The following TRPM8 variants were observed in gnomAD, a reference collection of about 807,000 sequenced individuals.
TRPM8 encodes the protein TRPM8 cationic channel.
Under a neutral mutation model 133.7 loss-of-function variants are expected in TRPM8, and 110 were observed. That is an observed-to-expected ratio of 0.82 (90% CI 0.70 to 0.96). TRPM8 has a LOEUF of 0.96. Among genes scored for constraint, TRPM8 ranks in the 40% least tolerant of loss-of-function variants. The probability of loss-of-function intolerance (pLI) is 0.00; values close to 1 mark genes in which losing one functional copy is unlikely to be tolerated. For synonymous variants in TRPM8, 535 were observed against 532.3 expected (o/e 1.01, Z -0.07); for missense variants, 1,291 against 1,379.5 (o/e 0.94, Z 1.02).
chr2:233,958,235 G>T (rs1464497271), intron 11 of TRPM8, among the ~76,000 whole-genome samples: 2 of 152,162 alleles, frequency 1.3e-5, no homozygotes, highest in Non-Finnish European at 2.9e-5. Flanking sequence ...AATTTGACCT[G>T]TGTTAGCTTA....
chr2:234,001,567 A>G (rs1351950593), intron 22 of TRPM8, among the ~76,000 whole-genome samples: 4 of 152,208 alleles, frequency 2.6e-5, no homozygotes, highest in African/African-American at 9.7e-5. Flanking sequence ...CACACTACCC[A>G]CAGATCTAAA....
intron 21 of TRPM8, among the ~76,000 whole-genome samples, chr2:233,991,790 C>A (rs1470300825): frequency 6.6e-6 from 1 of 151,786 alleles, no homozygotes; most frequent in Non-Finnish European, 1.5e-5. Flanking sequence ...TACAAGTTTC[C>A]CTCATTATTC....
chr2:233,921,644 T>C (rs1364864491), intron 1 of TRPM8, among the ~76,000 whole-genome samples: 4 of 150,520 alleles, frequency 2.7e-5, no homozygotes, highest in Admixed American at 1.3e-4. Flanking sequence ...CTTTTCTTTT[T>C]TTTCTTTTTC....
At chr2:233,931,673 A>G (rs1255830686) in intron 3 of TRPM8, among the ~76,000 whole-genome samples, 1 of 152,228 alleles carries the variant, frequency 6.6e-6, no homozygotes, top group African/African-American at 2.4e-5. Context: ...CATATAAAAT[A>G]CCTACCATAA....
In TRPM8 at chr2:233,981,812, G is replaced by A. The variant is rs1692016363; in HGVS notation, c.2486G>A (p.Arg829Gln). ...SSNKSSLYSG[R>Q]VIFCLDYIIF... ...AATAAAAGCTCTTTGTATTCTGGAC[G>A]AGTCATTTTCTGTCTGGACTACATT... The change falls in exon 19 of 26, where the codon CGA becomes CAA. Residue 829 changes from arginine (R) to glutamine (Q), a missense_variant. Transcript: ENST00000324695. The A allele has an allele frequency of 6.2e-7, 1 of 1,613,296 alleles. No homozygotes were observed. The highest frequency in any genetic ancestry group is 8.5e-7 in the Non-Finnish European group (1 of 1,179,684).
intron 4 of TRPM8, 96 bp downstream of exon 4, chr2:233,937,605 G>C: frequency 7.2e-7 from 1 of 1,387,106 alleles, no homozygotes; most frequent in South Asian, 1.4e-5. Flanking sequence ...GATGGAGGCA[G>C]GAGAGATGGG....
chr2:233,957,860 A>C (rs540315275), intron 11 of TRPM8, among the ~76,000 whole-genome samples: 1 of 152,334 alleles, frequency 6.6e-6, no homozygotes, highest in South Asian at 2.1e-4. Flanking sequence ...GAGAGAACCA[A>C]TGGTTCAGTG....
intron 15 of TRPM8, 77 bp downstream of exon 15, chr2:233,966,832 A>G (rs764823713): frequency 9.8e-6 from 14 of 1,425,918 alleles, no homozygotes; most frequent in Middle Eastern, 1.9e-4. Context: ...AGCATTAAAC[A>G]ATAGTAAAAA....
chr2:233,983,298 C>T, intron 20 of TRPM8, 74 bp downstream of exon 20: 1 of 1,572,218 alleles, frequency 6.4e-7, no homozygotes, highest in Non-Finnish European at 8.7e-7. Context: ...CCAGGGCTGC[C>T]CCGGAGACCG....
intron 21 of TRPM8, 48 bp from the exon 22 acceptor site, chr2:233,996,278 T>C (rs1219039455): frequency 1.9e-6 from 3 of 1,561,878 alleles, no homozygotes; most frequent in East Asian, 2.2e-5. Flanking sequence ...AGTTTAGCGA[T>C]GAGGCATGCG....
intron 21 of TRPM8, among the ~76,000 whole-genome samples, chr2:233,990,615 A>G (rs114311866): frequency 3.3e-5 from 5 of 152,342 alleles, no homozygotes; most frequent in South Asian, 4.1e-4. Flanking sequence ...GGTCAGCCCA[A>G]GGACACTAAT....
Position 233,983,129 on chromosome 2 carries a change from T to C in TRPM8, c.2666T>C (p.Leu889Pro), listed in dbSNP as rs760723821. 1 of 1,614,188 alleles carries C rather than the reference T, an allele frequency of 6.2e-7. No homozygotes were observed. The highest frequency in any genetic ancestry group is 1.7e-5 in the Admixed American group (1 of 60,026). ...TTTGGCGTGGCCAGGCAAGGGATCCTTAGGCAGAATGAGCAGCGCTGGAGG... is the reference window on the plus strand; with the variant it reads ...TTTGGCGTGGCCAGGCAAGGGATCCCTAGGCAGAATGAGCAGCGCTGGAGG... ...VAFGVARQGI[L>P]RQNEQRWRWI... The change falls in exon 20 of 26, where the codon CTT (leucine) becomes CCT (proline). Residue 889 changes from leucine (L) to proline (P), a missense_variant. This residue lies in a region of TRPM8 where 328 missense variants were observed against 410.6 expected (regional missense o/e 0.80). Coordinates refer to ENST00000324695, the MANE Select transcript of TRPM8 (RefSeq NM_024080.5).
intron 2 of TRPM8, 151 bp from the exon 3 acceptor site, chr2:233,930,517 T>G (rs113141171): frequency 1.9e-6 from 1 of 536,636 alleles, no homozygotes; most frequent in Non-Finnish European, 3.2e-6. Context: ...TTTTGTATAC[T>G]CTAAAGGCAT....
At chr2:233,985,217 C>T (rs1291095708) in intron 20 of TRPM8, among the ~76,000 whole-genome samples, 2 of 152,250 alleles carry the variant, frequency 1.3e-5, no homozygotes, top group Non-Finnish European at 2.9e-5. Flanking sequence ...GCTCTAGGCT[C>T]CCAACCTCCC....
At position 233,921,646 on chromosome 2, in the gene TRPM8, T is replaced by A. The variant is rs1188629759; in HGVS notation, c.-6+4214T>A. ...CATTTTCTTTTTTCTTTTCTTTTTT[T>A]TCTTTTTCTTTTTTCTTTTTCTTTT... On this transcript the variant is annotated intron_variant, in intron 1 of 25. Coordinates refer to ENST00000324695, the MANE Select transcript of TRPM8 (RefSeq NM_024080.5). Among the ~76,000 whole-genome samples, 2 of 150,560 alleles carry A rather than the reference T, an allele frequency of 1.3e-5. 1 individual carries two copies. Among genetic ancestry groups the A allele is most frequent in the African/African-American group, 4.9e-5 (2 of 41,102 alleles).
chr2:233,997,754 C>T (rs1692446557), intron 22 of TRPM8, among the ~76,000 whole-genome samples: 1 of 152,160 alleles, frequency 6.6e-6, no homozygotes, highest in Non-Finnish European at 1.5e-5. Context: ...CAACCCAACG[C>T]ATCCACACAT....
At chr2:233,961,818 C>T (rs140728310) in intron 12 of TRPM8, among the ~76,000 whole-genome samples, 2,209 of 145,206 alleles carry the variant, frequency 0.015, 44 homozygotes, top group African/African-American at 0.053. Context: ...TTAGTAGACA[C>T]GGGGTTTCAC....
At chr2:234,005,092 T>C (rs1327304942) in intron 22 of TRPM8, among the ~76,000 whole-genome samples, 1 of 152,236 alleles carries the variant, frequency 6.6e-6, no homozygotes, top group African/African-American at 2.4e-5. Context: ...AATACTTTTT[T>C]CCTTTGAGTT....
At chr2:233,961,927 C>T (rs1443724369) in intron 12 of TRPM8, among the ~76,000 whole-genome samples, 2 of 152,196 alleles carry the variant, frequency 1.3e-5, no homozygotes. Flanking sequence ...CCGTGTCCGG[C>T]CTCAGGTTTT....
Sources: gnomAD v4.1 joint callset for allele counts (sites outside exome capture counted in the v4.1 genomes callset) on GRCh38, gnomAD v4.1.1 for gene constraint, gnomAD v4.1.1 regional missense constraint, MANE v1.5 for transcripts, NCBI Gene and HGNC (gene_info 2026-07-23, HGNC 2026-07-21) for gene names.